Variants in RBFOX1 observed in about 807,000 individuals in gnomAD.
The protein encoded by RBFOX1 is RNA binding fox-1 homolog 1, also known as RNA binding protein fox-1 homolog 1.
In RBFOX1, 8 loss-of-function variants were observed where a neutral mutation model predicts 57.7. The ratio of observed to expected loss-of-function variants is 0.14; its 90% CI spans 0.08 to 0.25. The LOEUF is 0.25. Ranked by LOEUF, RBFOX1 falls within the 10% of genes least tolerant of loss-of-function variation. The probability of loss-of-function intolerance (pLI) is 1.00; values close to 1 mark genes in which losing one functional copy is unlikely to be tolerated. For missense variants in RBFOX1, 611 were observed against 548.5 expected, an observed-to-expected ratio of 1.11 and a Z score of -1.14; for synonymous variants, 326 against 222.4, an observed-to-expected ratio of 1.47 and a Z score of -4.15.
intron 1 of RBFOX1, among the ~76,000 whole-genome samples, chr16:5,339,470 G>GGTT (rs1567354925): frequency 1.2e-4 from 5 of 40,854 alleles, no homozygotes; most frequent in Non-Finnish European, 1.8e-4. Flanking sequence ...CTTTTTCCGT[G>GGTT]TTTTTTTTTT....
At chr16:6,236,916 G>A (rs1333291503) in intron 1 of RBFOX1, among the ~76,000 whole-genome samples, 11 of 152,090 alleles carry the variant, frequency 7.2e-5, no homozygotes, top group Admixed American at 6.6e-4. Flanking sequence ...TCACACAGTG[G>A]CACATTGTAC....
intron 1 of RBFOX1, among the ~76,000 whole-genome samples, chr16:5,384,110 G>A (rs931263784): frequency 3.3e-5 from 5 of 152,168 alleles, no homozygotes; most frequent in African/African-American, 7.2e-5. Context: ...GAGTCTTGGG[G>A]TTCTGTCTTA....
chr16:7,059,678 C>A (rs1240620736), intron 4 of RBFOX1, among the ~76,000 whole-genome samples: 1 of 152,194 alleles, frequency 6.6e-6, no homozygotes, highest in Non-Finnish European at 1.5e-5. Flanking sequence ...ACTGTCCCAT[C>A]TCTTTATAAA....
At chr16:7,342,318 A>G (rs77650928) in intron 4 of RBFOX1, among the ~76,000 whole-genome samples, 7,993 of 152,148 alleles carry the variant, frequency 0.053, 281 homozygotes, top group South Asian at 0.086. Context: ...TGGGCTTCCA[A>G]CTCAGATCTT....
intron 3 of RBFOX1, among the ~76,000 whole-genome samples, chr16:5,606,652 G>A (rs2047591264): frequency 6.6e-6 from 1 of 152,190 alleles, no homozygotes; most frequent in African/African-American, 2.4e-5. Context: ...TGAATAAGAA[G>A]TAGCCCATAA....
intron 1 of RBFOX1, among the ~76,000 whole-genome samples, chr16:6,022,021 T>C (rs1429628354): frequency 6.6e-6 from 1 of 152,156 alleles, no homozygotes; most frequent in Non-Finnish European, 1.5e-5. Context: ...CGTTTTCTTT[T>C]AAGTAAGGAA....
chr16:7,452,562 G>C (rs546882399), intron 4 of RBFOX1, among the ~76,000 whole-genome samples: 1 of 152,218 alleles, frequency 6.6e-6, no homozygotes, highest in African/African-American at 2.4e-5. Flanking sequence ...GGTCTTACCT[G>C]TGGAAAGGTG....
At chr16:6,821,366 A>T (rs971953861) in intron 3 of RBFOX1, among the ~76,000 whole-genome samples, 1 of 152,188 alleles carries the variant, frequency 6.6e-6, no homozygotes, top group African/African-American at 2.4e-5. Context: ...CTAGTCTTTG[A>T]TACTGTTTTA....
At chr16:6,629,169 C>T (rs1429611546) in intron 2 of RBFOX1, among the ~76,000 whole-genome samples, 22 of 152,256 alleles carry the variant, frequency 1.4e-4, no homozygotes, top group African/African-American at 2.4e-5. Flanking sequence ...AAGAATAATG[C>T]AGTATGCAGA....
At chr16:5,484,614 C>T (rs1837867631) in intron 2 of RBFOX1, among the ~76,000 whole-genome samples, 1 of 152,044 alleles carries the variant, frequency 6.6e-6, no homozygotes, top group Admixed American at 6.6e-5. Context: ...CTTGTCTGTA[C>T]AAAAAATTTT....
intron 4 of RBFOX1, among the ~76,000 whole-genome samples, chr16:7,474,347 G>A (rs1182528891): frequency 1.3e-5 from 2 of 152,136 alleles, no homozygotes; most frequent in African/African-American, 2.4e-5. Context: ...CTGTTATGCT[G>A]CTGAGTAAAT....
chr16:6,077,384 G>C (rs1202058975), intron 1 of RBFOX1, among the ~76,000 whole-genome samples: 1 of 152,152 alleles, frequency 6.6e-6, no homozygotes, highest in African/African-American at 2.4e-5. Flanking sequence ...CTATTGAAAG[G>C]CACAGTTTGG....
intron 1 of RBFOX1, among the ~76,000 whole-genome samples, chr16:5,348,144 A>T (rs886743417): frequency 1.4e-5 from 2 of 140,944 alleles, no homozygotes; most frequent in African/African-American, 5.4e-5. Context: ...CCATCCACCC[A>T]TGTATCCATC....
chr16:6,002,311 C>T (rs1339081499), intron 4 of RBFOX1, among the ~76,000 whole-genome samples: 1 of 152,112 alleles, frequency 6.6e-6, no homozygotes, highest in African/African-American at 2.4e-5. Flanking sequence ...CTCTTTTGTC[C>T]TAGATTAACA....
At chr16:5,580,307 G>A (rs1290170433) in intron 2 of RBFOX1, among the ~76,000 whole-genome samples, 2 of 152,218 alleles carry the variant, frequency 1.3e-5, no homozygotes, top group Admixed American at 6.5e-5. Context: ...TCTGATCTGG[G>A]AGCAGCTGCA....
In RBFOX1 at chr16:5,781,477, C is replaced by G. The variant is rs1441317782; in HGVS notation, c.319-85826C>G. Among the ~76,000 whole-genome samples, 3 of 152,174 alleles carry G rather than the reference C, an allele frequency of 2.0e-5. 1 individual carries two copies. Among genetic ancestry groups the G allele is most frequent in the South Asian group, 4.1e-4 (2 of 4,830 alleles). On this transcript the variant is annotated intron_variant, in intron 3 of 19. Coordinates refer to the RBFOX1 transcript ENST00000641259. ...GGCCCAGCTCAGTCACTGTGACAAC[C>G]TCAAACACCCACACATATTTACAAA...
chr16:7,565,983 G>C (rs778403544), intron 5 of RBFOX1, among the ~76,000 whole-genome samples: 4 of 152,116 alleles, frequency 2.6e-5, no homozygotes, highest in Non-Finnish European at 4.4e-5. Flanking sequence ...TAGTTTCCTG[G>C]AATGATTCAG....
At position 7,589,171 on chromosome 16, in the gene RBFOX1, C is replaced by T. The variant is rs150461720; in HGVS notation, c.468+1871C>T. On this transcript the variant is annotated intron_variant, in intron 7 of 15. Coordinates refer to ENST00000550418, the MANE Select transcript of RBFOX1 (RefSeq NM_018723.4). ...ATTCTTGGCGAAATTGTAGATGACC[C>T]GAATGTTGACCAACTTCGTTCTGAC... is the stretch of plus-strand genomic sequence containing the variant. Among the ~76,000 whole-genome samples the T allele has an allele frequency of 5.6e-3, 849 of 152,236 alleles. 3 individuals are homozygous for T. The highest frequency in any genetic ancestry group is 8.5e-3 in the Non-Finnish European group (575 of 68,020).
intron 11 of RBFOX1, among the ~76,000 whole-genome samples, chr16:7,632,952 T>A (rs980046509): frequency 1.3e-5 from 2 of 152,180 alleles, no homozygotes; most frequent in East Asian, 3.9e-4. Flanking sequence ...CTAAAGTGAA[T>A]TGGGGAAGCA....
Sources: gnomAD v4.1 joint callset for allele counts (sites outside exome capture counted in the v4.1 genomes callset) on GRCh38, gnomAD v4.1.1 for gene constraint, MANE v1.5 for transcripts, NCBI Gene and HGNC (gene_info 2026-07-23, HGNC 2026-07-21) for gene names.